IFI44: variants seen among roughly 807,000 people sequenced by gnomAD.
IFI44 encodes the protein interferon induced protein 44, also known as interferon-induced protein 44.
Under a neutral mutation model 45.0 loss-of-function variants are expected in IFI44, and 42 were observed. The observed-to-expected ratio is 0.93, with a 90% CI of 0.73 to 1.21. IFI44 has a LOEUF of 1.21. Among genes scored for constraint, IFI44 ranks in the 50% most tolerant of loss-of-function variants. IFI44 has a pLI of 0.00. For synonymous variants in IFI44, 221 were observed against 188.6 expected, an observed-to-expected ratio of 1.17 and a Z score of -1.41; for missense variants, 623 against 525.8, an observed-to-expected ratio of 1.18 and a Z score of -1.81.
intron 2 of IFI44, among the ~76,000 whole-genome samples, chr1:78,652,377 G>T (rs777625430): frequency 6.6e-6 from 1 of 152,148 alleles, no homozygotes; most frequent in Non-Finnish European, 1.5e-5. Flanking sequence ...CACCGTGCCC[G>T]GCTGGAATCT....
intron 2 of IFI44, among the ~76,000 whole-genome samples, chr1:78,653,496 T>C (rs993195879): frequency 1.3e-5 from 2 of 152,234 alleles, no homozygotes; most frequent in Admixed American, 6.5e-5. Context: ...GCCATGTTTA[T>C]AAATGTTCCA....
chr1:78,663,027 A>G, intron 8 of IFI44, 149 bp downstream of exon 8: 1 of 1,504,256 alleles, frequency 6.6e-7, no homozygotes, highest in East Asian at 2.4e-5. Flanking sequence ...CCCTGGATGC[A>G]TTTTTCCCTC....
chr1:78,652,592 C>T (rs1056929169), intron 2 of IFI44, among the ~76,000 whole-genome samples: 1 of 152,184 alleles, frequency 6.6e-6, no homozygotes, highest in African/African-American at 2.4e-5. Flanking sequence ...ATGTATCTGT[C>T]TAGCTGCTTT....
chr1:78,654,221 T>C (rs777606272), intron 2 of IFI44, 22 bp from the exon 3 acceptor site: 2 of 1,348,260 alleles, frequency 1.5e-6, no homozygotes, highest in South Asian at 2.4e-5. Context: ...TAATCTACAT[T>C]ATTCTTTGAT....
intron 7 of IFI44, among the ~76,000 whole-genome samples, chr1:78,661,962 G>A (rs1052449706): frequency 6.6e-6 from 1 of 152,168 alleles, no homozygotes; most frequent in Non-Finnish European, 1.5e-5. Flanking sequence ...AGGAACATTT[G>A]CATGAAGTAA....
At chr1:78,656,879 T>C in intron 5 of IFI44, among the ~76,000 whole-genome samples, 1 of 151,692 alleles carries the variant, frequency 6.6e-6, no homozygotes, top group African/African-American at 2.4e-5. Flanking sequence ...ATATTCTTTT[T>C]TAAATACAAA....
chr1:78,660,648 G>A lies in IFI44; in HGVS notation c.1107G>A (p.Arg369=). The change falls in exon 7 of 9, where the codon AGG becomes AGA. Residue 369 remains arginine (R), a synonymous_variant. Transcript: ENST00000370747. The stretch of plus-strand genomic sequence containing the variant: ...AAATAGAGAGATGTGAGCCTGTGAG[G>A]TCCAAGGTAATGAATGATGCCCTTC... ...LIEIERCEPV[R]SKLEEVQRKL... is the part of the protein sequence containing the mutation. 2 of 1,604,230 alleles carry A rather than the reference G, an allele frequency of 1.2e-6. No homozygotes were observed. The highest frequency in any genetic ancestry group is 1.7e-6 in the Non-Finnish European group (2 of 1,171,172).
At position 78,654,475 on chromosome 1, in the gene IFI44, A is replaced by C. The variant is rs1265050525; in HGVS notation, c.494+196A>C. Among the ~76,000 whole-genome samples, 5 of 152,226 alleles carry C rather than the reference A, an allele frequency of 3.3e-5. No individual in the cohort carries two copies. The East Asian group carries it at 7.7e-4, about 24-fold the overall frequency. ...AAAGGACACTGAGTAGAGGAAAGGA[A>C]TTTTAATGTCATATACTTGAAGAAA... On this transcript the variant is annotated intron_variant, in intron 3 of 8. Coordinates refer to ENST00000370747, the MANE Select transcript of IFI44 (RefSeq NM_006417.5).
chr1:78,655,329 G>A (rs1229209189), intron 4 of IFI44, 33 bp from the exon 5 acceptor site: 1 of 1,568,712 alleles, frequency 6.4e-7, no homozygotes, highest in East Asian at 2.2e-5. Context: ...AATAAAAAAT[G>A]AATCTTTAAA....
chr1:78,655,636 T>C, intron 5 of IFI44, 125 bp downstream of exon 5: 1 of 872,624 alleles, frequency 1.1e-6, no homozygotes. Context: ...AGATTTTTTT[T>C]TTCAAAAAGA....
At chr1:78,658,885 A>G (rs1044559243) in intron 5 of IFI44, among the ~76,000 whole-genome samples, 2 of 152,134 alleles carry the variant, frequency 1.3e-5, no homozygotes, top group African/African-American at 2.4e-5. Context: ...TCAGTGGGAC[A>G]GATTCCCAAC....
Position 78,655,509 on chromosome 1 carries a change from C to A in IFI44, c.838C>A (p.Gln280Lys). ...ILNGNIRDRY[Q>K]FNPMESIKLN... The stretch of plus-strand genomic sequence containing the variant: ...GAACGGTAACATTCGTGATAGATAC[C>A]AGGTAATATTTGACTAATGAGAAAT... Residue 280 changes from glutamine (Q) to lysine (K), a missense_variant and splice_region_variant, in exon 5 of 9, where the codon CAG (glutamine) becomes AAG (lysine). Physicochemically the swap from Gln to Lys is moderately conservative, Grantham distance 53. Coordinates refer to ENST00000370747, the MANE Select transcript of IFI44 (RefSeq NM_006417.5). 1 of 1,602,312 alleles carries A rather than the reference C, an allele frequency of 6.2e-7. No homozygotes were observed. Among genetic ancestry groups the A allele is most frequent in the Admixed American group, 1.7e-5 (1 of 57,406 alleles).
At chr1:78,654,983 T>C (rs1456175871) in intron 3 of IFI44, 31 bp from the exon 4 acceptor site, 2 of 1,479,434 alleles carry the variant, frequency 1.4e-6, no homozygotes, top group Non-Finnish European at 1.8e-6. Flanking sequence ...CTAACCTCAG[T>C]CAATTGTTAA....
At chr1:78,652,067 T>C (rs1647133037) in intron 2 of IFI44, among the ~76,000 whole-genome samples, 1 of 152,066 alleles carries the variant, frequency 6.6e-6, no homozygotes, top group South Asian at 2.1e-4. Flanking sequence ...CAGGCAAGCA[T>C]GCCCCCTTAA....
At chr1:78,659,634 C>A (rs971602584) in intron 6 of IFI44, 151 bp downstream of exon 6, 5 of 582,598 alleles carry the variant, frequency 8.6e-6, no homozygotes, top group Non-Finnish European at 1.5e-5. Flanking sequence ...TGAAATTGAG[C>A]ATTCATTGGC....
intron 4 of IFI44, 34 bp from the exon 5 acceptor site, chr1:78,655,328 T>C: frequency 6.4e-7 from 1 of 1,569,104 alleles, no homozygotes; most frequent in Non-Finnish European, 8.6e-7. Context: ...TAATAAAAAA[T>C]GAATCTTTAA....
intron 7 of IFI44, chr1:78,662,492 C>A (rs1023302216): frequency 1.5e-5 from 8 of 519,132 alleles, no homozygotes; most frequent in Non-Finnish European, 2.1e-5. Context: ...CATTTAGAAT[C>A]CACTGCATGT....
At chr1:78,659,088 T>A (rs1389507829) in intron 5 of IFI44, among the ~76,000 whole-genome samples, 1 of 152,096 alleles carries the variant, frequency 6.6e-6, no homozygotes, top group Non-Finnish European at 1.5e-5. Context: ...ATTTTAGCTC[T>A]CAGATTACAT....
intron 5 of IFI44, among the ~76,000 whole-genome samples, chr1:78,656,793 G>A (rs1161318211): frequency 6.7e-6 from 1 of 148,782 alleles, no homozygotes; most frequent in Non-Finnish European, 1.5e-5. Context: ...AACACAGCAA[G>A]TTTTGTTTTT....
Sources: gnomAD v4.1 joint callset for allele counts (sites outside exome capture counted in the v4.1 genomes callset) on GRCh38, gnomAD v4.1.1 for gene constraint, MANE v1.5 for transcripts, NCBI Gene and HGNC (gene_info 2026-07-23, HGNC 2026-07-21) for gene names.